Variants in DEFB1 observed in about 807,000 individuals in gnomAD.
DEFB1 encodes defensin beta 1, also known as beta-defensin 1.
DEFB1 carries 4 observed loss-of-function variants against 2.6 expected under a neutral mutation model. That is an observed-to-expected ratio of 1.53 (90% CI 0.76 to 3.51). DEFB1 has a LOEUF of 3.51. Ranked by LOEUF, DEFB1 falls within the 30% of genes most tolerant of loss-of-function variation. DEFB1 has a pLI of 0.01. For synonymous variants in DEFB1, 56 were observed against 28.5 expected (o/e 1.96, Z -3.07); for missense variants, 162 against 76.9 (o/e 2.11, Z -4.14).
chr8:6,872,773 C>G (rs1806368358), intron 1 of DEFB1, among the ~76,000 whole-genome samples: 1 of 152,134 alleles, frequency 6.6e-6, no homozygotes, highest in Non-Finnish European at 1.5e-5. Context: ...TGAGATTGTA[C>G]TATGTTTTAA....
At chr8:6,876,569 G>C (rs1806537468) in intron 1 of DEFB1, among the ~76,000 whole-genome samples, 1 of 152,096 alleles carries the variant, frequency 6.6e-6, no homozygotes. Context: ...TCTGAACTAG[G>C]AGGGTTGCTT....
At chr8:6,876,106 C>T (rs923552785) in intron 1 of DEFB1, among the ~76,000 whole-genome samples, 7 of 152,120 alleles carry the variant, frequency 4.6e-5, no homozygotes, top group African/African-American at 1.4e-4. Context: ...TATGCACACA[C>T]CCCAAACTGA....
chr8:6,876,383 A>T (rs1563398589), intron 1 of DEFB1, among the ~76,000 whole-genome samples: 1 of 152,098 alleles, frequency 6.6e-6, no homozygotes, highest in Non-Finnish European at 1.5e-5. Context: ...AGGCTGAGGC[A>T]GGAGAATTGC....
chr8:6,873,045 C>T (rs1182969225), intron 1 of DEFB1, among the ~76,000 whole-genome samples: 1 of 152,210 alleles, frequency 6.6e-6, no homozygotes, highest in East Asian at 1.9e-4. Context: ...GATTGTTCTT[C>T]TCAGTAATCA....
intron 1 of DEFB1, among the ~76,000 whole-genome samples, chr8:6,876,995 C>G (rs1235460083): frequency 6.6e-6 from 1 of 152,114 alleles, no homozygotes; most frequent in South Asian, 2.1e-4. Flanking sequence ...CAGTGATGGC[C>G]TAGAGAAACT....
chr8:6,876,573 G>C (rs1265585665), intron 1 of DEFB1, among the ~76,000 whole-genome samples: 1 of 152,034 alleles, frequency 6.6e-6, no homozygotes, highest in African/African-American at 2.4e-5. Flanking sequence ...AACTAGGAGG[G>C]TTGCTTGTGC....
chr8:6,875,842 G>A (rs960428510), intron 1 of DEFB1, among the ~76,000 whole-genome samples: 1 of 143,848 alleles, frequency 7.0e-6, no homozygotes, highest in Non-Finnish European at 1.5e-5. Flanking sequence ...TATTCAACCT[G>A]AATATTAATT....
intron 1 of DEFB1, among the ~76,000 whole-genome samples, chr8:6,877,086 T>C (rs1035106063): frequency 3.9e-5 from 6 of 152,120 alleles, no homozygotes; most frequent in Non-Finnish European, 7.4e-5. Context: ...ATTCTGCAGA[T>C]GAATAAACCA....
At chr8:6,871,892 G>T (rs1470305282) in intron 1 of DEFB1, among the ~76,000 whole-genome samples, 1 of 152,190 alleles carries the variant, frequency 6.6e-6, no homozygotes, top group African/African-American at 2.4e-5. Flanking sequence ...TTTATGGGCA[G>T]TTTAAACGAT....
chr8:6,872,402 C>A (rs548742601), intron 1 of DEFB1, among the ~76,000 whole-genome samples: 1 of 152,316 alleles, frequency 6.6e-6, no homozygotes, highest in Admixed American at 6.5e-5. Context: ...CATTGAACAG[C>A]AGATATAGAA....
In DEFB1 at chr8:6,870,700, T is replaced by G. The variant is rs144111819; in HGVS notation, c.188A>C (p.Lys63Thr). The G allele has an allele frequency of 4.6e-5, 75 of 1,614,184 alleles. No individual in the cohort carries two copies. The African/African-American group carries it at 7.2e-4, about 15-fold the overall frequency. ...CCCAGCTCACTTGCAGCACTTGGCC[T>G]TCCCTCTGTAACAGGTGCCTTGAAT... ...TKIQGTCYRGKAKCCK is the reference protein window; with the variant it reads ...TKIQGTCYRGTAKCCK Residue 63 changes from lysine to threonine, a missense_variant, in exon 2 of 2, where the codon AAG (lysine) becomes ACG (threonine). Lys to Thr is a moderately conservative substitution (Grantham distance 78). Coordinates refer to ENST00000297439, the MANE Select transcript of DEFB1 (RefSeq NM_005218.4).
intron 1 of DEFB1, among the ~76,000 whole-genome samples, 159 bp downstream of exon 1, chr8:6,877,638 C>T (rs1256818601): frequency 6.6e-6 from 1 of 152,226 alleles, no homozygotes; most frequent in Non-Finnish European, 1.5e-5. Context: ...CAGGGCTTGC[C>T]TGCTGCCTTC....
At chr8:6,873,729 T>C (rs1360621450) in intron 1 of DEFB1, among the ~76,000 whole-genome samples, 2 of 131,124 alleles carry the variant, frequency 1.5e-5, no homozygotes, top group Admixed American at 7.6e-5. Context: ...CTATGCTCAT[T>C]ACCTGGGTGA....
At chr8:6,873,401 G>C (rs768080586) in intron 1 of DEFB1, among the ~76,000 whole-genome samples, 5 of 152,202 alleles carry the variant, frequency 3.3e-5, no homozygotes, top group Non-Finnish European at 7.3e-5. Context: ...AGCAAAGTTA[G>C]TGAGAGGGTA....
chr8:6,877,728 C>T (rs5743419), intron 1 of DEFB1, 69 bp downstream of exon 1: 53 of 1,413,886 alleles, frequency 3.7e-5, no homozygotes, highest in African/African-American at 2.0e-4. Context: ...GGCAGCCATC[C>T]GAGACTCACA....
intron 1 of DEFB1, among the ~76,000 whole-genome samples, chr8:6,872,611 G>A (rs1806363692): frequency 6.6e-6 from 1 of 152,178 alleles, no homozygotes; most frequent in Admixed American, 6.5e-5. Context: ...TTGCTGTGGA[G>A]ATGGAAGGGA....
chr8:6,872,875 A>G (rs943032526), intron 1 of DEFB1, among the ~76,000 whole-genome samples: 2 of 152,140 alleles, frequency 1.3e-5, no homozygotes, highest in South Asian at 2.1e-4. Flanking sequence ...CCTGCACTGG[A>G]GGCTCCCAGT....
At chr8:6,872,629 G>A (rs573591546) in intron 1 of DEFB1, among the ~76,000 whole-genome samples, 1 of 152,278 alleles carries the variant, frequency 6.6e-6, no homozygotes, top group South Asian at 2.1e-4. Context: ...GGAATTGAGA[G>A]GCACTCTGGT....
At chr8:6,871,752 G>A (rs541331187) in intron 1 of DEFB1, among the ~76,000 whole-genome samples, 1 of 152,320 alleles carries the variant, frequency 6.6e-6, no homozygotes, top group South Asian at 2.1e-4. Flanking sequence ...GACCCAGGGA[G>A]GCGGCGGTCA....
Sources: gnomAD v4.1 joint callset for allele counts (sites outside exome capture counted in the v4.1 genomes callset) on GRCh38, gnomAD v4.1.1 for gene constraint, MANE v1.5 for transcripts, NCBI Gene and HGNC (gene_info 2026-07-23, HGNC 2026-07-21) for gene names.